Variants in RERE observed in about 807,000 individuals in gnomAD.
The protein encoded by RERE is arginine-glutamic acid dipeptide repeats protein.
RERE carries 40 observed loss-of-function variants against 146.1 expected under a neutral mutation model. The observed-to-expected ratio is 0.27, with a 90% CI of 0.21 to 0.36. The LOEUF is 0.36. RERE is among the 10% of genes least tolerant of loss of function. RERE has a pLI of 1.00. For missense variants in RERE, 1,933 were observed against 2,138.7 expected (o/e 0.90, Z 1.90); for synonymous variants, 1,003 against 866.0 (o/e 1.16, Z -2.78).
At chr1:8,495,288 G>A in intron 9 of RERE, 126 bp from the exon 10 acceptor site, 1 of 625,522 alleles carries the variant, frequency 1.6e-6, no homozygotes, top group Non-Finnish European at 2.8e-6. Context: ...TGATGAACCA[G>A]TTCCCAGCTC....
At chr1:8,360,086 C>A (rs1641495298) in intron 18 of RERE, 26 bp downstream of exon 18, 3 of 1,580,770 alleles carry the variant, frequency 1.9e-6, no homozygotes, top group South Asian at 2.3e-5. Flanking sequence ...TGTGCCTGAC[C>A]CGTCCTGGAG....
intron 10 of RERE, among the ~76,000 whole-genome samples, chr1:8,482,260 T>C (rs1349388701): frequency 6.6e-6 from 1 of 152,142 alleles, no homozygotes; most frequent in Admixed American, 6.5e-5. Flanking sequence ...CAGAGAAGTT[T>C]AGGTAATGCT....
intron 12 of RERE, among the ~76,000 whole-genome samples, chr1:8,392,296 T>C (rs1161527253): frequency 6.6e-6 from 1 of 151,906 alleles, no homozygotes; most frequent in Non-Finnish European, 1.5e-5. Context: ...GAAATAGAAA[T>C]AAACAAAATA....
intron 2 of RERE, among the ~76,000 whole-genome samples, chr1:8,640,141 T>C (rs1421437898): frequency 7.0e-6 from 1 of 142,006 alleles, no homozygotes; most frequent in Non-Finnish European, 1.5e-5. Context: ...GGTGACAGAG[T>C]AAGACCCTGT....
intron 4 of RERE, among the ~76,000 whole-genome samples, chr1:8,576,350 G>A (rs1646294404): frequency 6.6e-6 from 1 of 152,262 alleles, no homozygotes; most frequent in East Asian, 1.9e-4. Context: ...GTCACTAAAA[G>A]CCATTTTGAC....
rs78627414 is a variant in RERE at position 8,473,640 on chromosome 1, C to T, written c.1105-7617G>A. On this transcript the variant is annotated intron_variant, in intron 10 of 22. Transcript: ENST00000400908. ...ACAATAAATTAACAACTAGTCAATA[C>T]CTTCTGCAGCCTACTGAAAATAGTA... Among the ~76,000 whole-genome samples the T allele has an allele frequency of 4.3e-3, 652 of 152,296 alleles. 4 individuals are homozygous for T. Among genetic ancestry groups the T allele is most frequent in the African/African-American group, 0.015 (630 of 41,542 alleles).
At chr1:8,684,672 GCCTGTTAAT>G (rs1044813697) in intron 1 of RERE, among the ~76,000 whole-genome samples, 1 of 152,202 alleles carries the variant, frequency 6.6e-6, no homozygotes. Context: ...ACAATCTGAT[GCCTGTTAAT>G]CCACCTCTCC....
chr1:8,752,662 T>C (rs1242600572), intron 1 of RERE, among the ~76,000 whole-genome samples: 1 of 152,214 alleles, frequency 6.6e-6, no homozygotes, highest in Non-Finnish European at 1.5e-5. Context: ...TGAGTTTCTT[T>C]TCCTATGCTA....
At chr1:8,776,112 C>T (rs1160001905) in intron 1 of RERE, among the ~76,000 whole-genome samples, 1 of 152,182 alleles carries the variant, frequency 6.6e-6, no homozygotes, top group Non-Finnish European at 1.5e-5. Flanking sequence ...GCTTCCATAC[C>T]AATTGTAATA....
intron 9 of RERE, among the ~76,000 whole-genome samples, chr1:8,495,636 C>T (rs1247593982): frequency 6.6e-6 from 1 of 152,160 alleles, no homozygotes; most frequent in Non-Finnish European, 1.5e-5. Flanking sequence ...AGTTCCTCTT[C>T]ACTCACGCAG....
intron 1 of RERE, chr1:8,786,649 C>A: frequency 2.6e-6 from 2 of 773,022 alleles, no homozygotes; most frequent in Non-Finnish European, 4.7e-6. Flanking sequence ...ACCATTGGCA[C>A]CTCTGGTCCT....
At chr1:8,688,456 G>A (rs2124412982) in intron 1 of RERE, among the ~76,000 whole-genome samples, 1 of 152,182 alleles carries the variant, frequency 6.6e-6, no homozygotes, top group South Asian at 2.1e-4. Context: ...AGCTACTTGG[G>A]AGGCTGAGGC....
intron 2 of RERE, among the ~76,000 whole-genome samples, chr1:8,643,137 GA>G: frequency 6.6e-6 from 1 of 152,284 alleles, no homozygotes; most frequent in Non-Finnish European, 1.5e-5. Flanking sequence ...TCCAAGAATT[GA>G]AAATCCTAGT....
intron 12 of RERE, among the ~76,000 whole-genome samples, 200 bp downstream of exon 12, chr1:8,422,527 G>A (rs1431520870): frequency 1.3e-5 from 2 of 152,192 alleles, no homozygotes; most frequent in Admixed American, 6.5e-5. Flanking sequence ...AGGCGGATAA[G>A]CATAATCTGT....
chr1:8,678,525 G>A (rs1475153802), intron 1 of RERE, among the ~76,000 whole-genome samples: 3 of 151,496 alleles, frequency 2.0e-5, no homozygotes, highest in Admixed American at 6.6e-5. Flanking sequence ...GGTGGCACGC[G>A]CCTGTAGTCC....
rs1247205230 is a variant in RERE at position 8,803,247 on chromosome 1, GC to G, written c.-145+13912del. Among the ~76,000 whole-genome samples the G allele has an allele frequency of 2.0e-5, 3 of 152,150 alleles. No individual in the cohort carries two copies. The East Asian group carries it at 5.8e-4, about 29-fold the overall frequency. On this transcript the variant is annotated intron_variant, in intron 1 of 22. Transcript: ENST00000400908. ...AATCCCAGCACTCTGAGAGGCCGAG[GC>G]GGGAGGATCACGAGATCAAGACCAT...
At chr1:8,430,796 C>A (rs1418906919) in intron 11 of RERE, among the ~76,000 whole-genome samples, 4 of 152,196 alleles carry the variant, frequency 2.6e-5, no homozygotes, top group Non-Finnish European at 5.9e-5. Context: ...TGTAACCGGG[C>A]CCATTCTACA....
In RERE at chr1:8,364,807, G is replaced by C. The variant is rs762421610; in HGVS notation, c.1479C>G (p.Phe493Leu). 6.2e-7 allele frequency: 1 copy of C among 1,611,260 alleles called. No individual in the cohort carries two copies. Among genetic ancestry groups the C allele is most frequent in the Non-Finnish European group, 8.5e-7 (1 of 1,178,748 alleles). ...GCTCCTGCTCACTGTCCTCACTGTCGAAGTCATCTTCACTGGCTGAACTTA... is the reference window on the plus strand; with the variant it reads ...GCTCCTGCTCACTGTCCTCACTGTCCAAGTCATCTTCACTGGCTGAACTTA... ...LDLSSASEDDFDSEDSEQELK... is the reference protein window; with the variant it reads ...LDLSSASEDDLDSEDSEQELK... Residue 493 changes from phenylalanine (F) to leucine (L), a missense_variant, in exon 14 of 23, where the codon TTC (phenylalanine) becomes TTG (leucine). This residue lies in a region of RERE where 260 missense variants were observed against 378.4 expected (regional missense o/e 0.69). Coordinates refer to ENST00000400908, the MANE Select transcript of RERE (RefSeq NM_001042681.2). This position sits in a 1 kb window ranked among gnomAD's most constrained non-coding sequence, Gnocchi z 5.1.
At chr1:8,705,391 C>T (rs1639537690) in intron 1 of RERE, among the ~76,000 whole-genome samples, 1 of 152,148 alleles carries the variant, frequency 6.6e-6, no homozygotes, top group African/African-American at 2.4e-5. Context: ...CAGGCTTCTT[C>T]CCACCAGAGC....
Sources: gnomAD v4.1 joint callset for allele counts (sites outside exome capture counted in the v4.1 genomes callset) on GRCh38, gnomAD v4.1.1 for gene constraint, gnomAD v4.1.1 regional missense constraint, Gnocchi (gnomAD v3.1) non-coding constraint, MANE v1.5 for transcripts, NCBI Gene and HGNC (gene_info 2026-07-23, HGNC 2026-07-21) for gene names.